NECTIN1: variants seen among roughly 807,000 people sequenced by gnomAD.
NECTIN1 encodes the protein nectin-1.
NECTIN1 carries 23 observed loss-of-function variants against 48.0 expected under a neutral mutation model. That is an observed-to-expected ratio of 0.48 (90% confidence interval 0.34 to 0.68). The LOEUF is 0.68. Ranked by LOEUF, NECTIN1 falls within the 30% of genes least tolerant of loss-of-function variation. The pLI is 0.01. For missense variants in NECTIN1, 591 were observed against 709.9 expected (o/e 0.83, Z 1.90); for synonymous variants, 270 against 288.9 (o/e 0.93, Z 0.66).
intron 1 of NECTIN1, among the ~76,000 whole-genome samples, chr11:119,714,556 G>A (rs1055389144): frequency 6.6e-6 from 1 of 152,146 alleles, no homozygotes; most frequent in African/African-American, 2.4e-5. Flanking sequence ...TGCAGGCAGA[G>A]GGGAATGCTC....
At chr11:119,689,946 C>T (rs941313104) in intron 1 of NECTIN1, among the ~76,000 whole-genome samples, 1 of 152,248 alleles carries the variant, frequency 6.6e-6, no homozygotes, top group African/African-American at 2.4e-5. Context: ...TATTTCATTT[C>T]TGGGCAGAAC....
intron 5 of NECTIN1, among the ~76,000 whole-genome samples, chr11:119,647,158 CGCATGTGTGTGTGT>C (rs1864405801): frequency 1.1e-5 from 1 of 91,694 alleles, no homozygotes; most frequent in African/African-American, 4.2e-5. Flanking sequence ...GAGCTTGCGG[CGCATGTGTGTGTGT>C]GTGTGTGTGT....
chr11:119,675,524 T>C, intron 4 of NECTIN1: 1 of 549,384 alleles, frequency 1.8e-6, no homozygotes, highest in Non-Finnish European at 3.2e-6. Flanking sequence ...TATGGGAATA[T>C]AGGCAGGCTA....
At chr11:119,660,257 C>T (rs1864638896), downstream of NECTIN1, among the ~76,000 whole-genome samples, 1 of 152,132 alleles carries the variant, frequency 6.6e-6, no homozygotes, top group African/African-American at 2.4e-5. Flanking sequence ...CTCTGAAGCC[C>T]CTGCCACTCC....
intron 1 of NECTIN1, among the ~76,000 whole-genome samples, chr11:119,697,544 A>G (rs1459431980): frequency 6.6e-6 from 1 of 152,128 alleles, no homozygotes; most frequent in Non-Finnish European, 1.5e-5. Context: ...TATTTCCACC[A>G]CTATTGGCTG....
chr11:119,704,245 C>T lies in NECTIN1; in HGVS notation c.79+24230G>A, dbSNP rs149613006. ...TTTCCTTTTTTTTTTGTATCTGAGA[C>T]GGAGTCTCACTCTGTCGCCCAGGCT... On this transcript the variant is annotated intron_variant, in intron 1 of 5. Coordinates refer to ENST00000264025, the MANE Select transcript of NECTIN1 (RefSeq NM_002855.5). Among the ~76,000 whole-genome samples, 67 of 151,898 alleles carry T rather than the reference C, an allele frequency of 4.4e-4. 1 individual carries two copies. In the East Asian group the frequency reaches 0.012, roughly 26 times the overall value.
intron 1 of NECTIN1, among the ~76,000 whole-genome samples, chr11:119,699,725 G>A (rs2135569646): frequency 6.6e-6 from 1 of 152,342 alleles, no homozygotes; most frequent in East Asian, 1.9e-4. Flanking sequence ...AGCCTTCCAA[G>A]GCAGGTGTTA....
At chr11:119,700,177 A>G (rs775659037) in intron 1 of NECTIN1, among the ~76,000 whole-genome samples, 1 of 152,060 alleles carries the variant, frequency 6.6e-6, no homozygotes, top group Non-Finnish European at 1.5e-5. Flanking sequence ...GTGGTCACTG[A>G]GGCAGGGAGG....
rs1864676603 is a variant in NECTIN1 at position 119,662,104 on chromosome 11, A to C, written c.*2643T>G. 2.0e-6 allele frequency: 2 copies of C among 985,388 alleles called. No individual in the cohort carries two copies. 61.0% of individuals were successfully genotyped at this position (985,388 alleles called of 1,614,324 possible). A position where few individuals can be genotyped will look rare whatever the true frequency, so the allele number is the denominator to read the frequency against. On this transcript the variant is annotated 3_prime_UTR_variant, in exon 6 of 6. Transcript: ENST00000264025. This position sits in a 1 kb window ranked among gnomAD's most constrained non-coding sequence, Gnocchi z 5.3. The stretch of plus-strand genomic sequence containing the variant: ...GGAGGGCAACAAGAGGCAGGATGAC[A>C]ACTGGGGAGGCCTTGGCACAATTCA...
At chr11:119,700,733 AGGCGT>A in intron 1 of NECTIN1, among the ~76,000 whole-genome samples, 1 of 152,224 alleles carries the variant, frequency 6.6e-6, no homozygotes, top group East Asian at 1.9e-4. Flanking sequence ...GTTGTATGCA[AGGCGT>A]GGCTCTGTCA....
chr11:119,699,774 G>A (rs1013545984), intron 1 of NECTIN1, among the ~76,000 whole-genome samples: 2 of 152,168 alleles, frequency 1.3e-5, no homozygotes, highest in African/African-American at 4.8e-5. Context: ...TGGCATTCGG[G>A]GTTGCCAAGG....
intron 1 of NECTIN1, among the ~76,000 whole-genome samples, chr11:119,723,246 A>T (rs1320633885): frequency 1.3e-5 from 2 of 150,938 alleles, no homozygotes; most frequent in Non-Finnish European, 2.9e-5. Context: ...AAAAAAGGGA[A>T]AACTGAGGCC....
intron 1 of NECTIN1, among the ~76,000 whole-genome samples, chr11:119,695,511 C>T (rs1419894729): frequency 6.6e-6 from 1 of 152,158 alleles, no homozygotes. Context: ...CAGCCTGACA[C>T]CCGGCACGCA....
chr11:119,692,411 A>ATGTGTGTGTGTGTGTGTG lies in NECTIN1; in HGVS notation c.80-13664_80-13647dup, dbSNP rs60998928. Among the ~76,000 whole-genome samples, 532 of 142,512 alleles carry ATGTGTGTGTGTGTGTGTG rather than the reference A, an allele frequency of 3.7e-3. 7 individuals are homozygous for ATGTGTGTGTGTGTGTGTG. The highest frequency in any genetic ancestry group is 0.012 in the African/African-American group (478 of 39,826). The allele number at this position is 142,512 out of a possible 152,430, so 93.5% of individuals were successfully genotyped here. A position where few individuals can be genotyped will look rare whatever the true frequency, so the allele number is the denominator to read the frequency against. On this transcript the variant is annotated intron_variant, in intron 1 of 5. Coordinates refer to ENST00000264025, the MANE Select transcript of NECTIN1 (RefSeq NM_002855.5). Reference sequence around the variant, plus strand: ...AGCCGAGAAGTGGCTTGTGGCAGTGATGTGTGTGTGTGTGTGTGTGGGTGG... The same window carrying ATGTGTGTGTGTGTGTGTG: ...AGCCGAGAAGTGGCTTGTGGCAGTGATGTGTGTGTGTGTGTGTGTGTGTGTGTGTGTGTGTGTGGGTGG...
At position 119,690,322 on chromosome 11, in the gene NECTIN1, A is replaced by C. The variant is rs139954878; in HGVS notation, c.80-11557T>G. Among the ~76,000 whole-genome samples, 604 of 152,270 alleles carry C rather than the reference A, an allele frequency of 4.0e-3. 3 individuals carry two copies. Among genetic ancestry groups the C allele is most frequent in the Middle Eastern group, 6.8e-3 (2 of 294 alleles). On this transcript the variant is annotated intron_variant, in intron 1 of 5. Transcript: ENST00000264025. ...GGCTGTCTCCATCCAACAACAACAA[A>C]AAAAATAAATAAATAAAAAATAAAG...
intron 1 of NECTIN1, among the ~76,000 whole-genome samples, chr11:119,722,263 T>C (rs1478727055): frequency 2.6e-5 from 4 of 152,242 alleles, no homozygotes; most frequent in African/African-American, 9.6e-5. Flanking sequence ...ACTGTGGCTA[T>C]AGAGTGCCAC....
chr11:119,677,043 A>C lies in NECTIN1; in HGVS notation c.851+59T>G. 6.9e-7 allele frequency: 1 copy of C among 1,453,288 alleles called. No homozygotes were observed. Among genetic ancestry groups the C allele is most frequent in the Non-Finnish European group, 9.7e-7 (1 of 1,033,788 alleles). The allele number at this position is 1,453,288 out of a possible 1,614,324, so 90.0% of individuals were successfully genotyped here. ...CCTGGAGGTAGGATGGTTGCCCCTC[A>C]TCACCCGTGGTCCAGTCAGCTGTCT... On this transcript the variant is annotated intron_variant, in intron 4 of 5. Transcript: ENST00000264025. The surrounding 1 kb of genome is among the most constrained non-coding windows in gnomAD (Gnocchi z 5.4).
At chr11:119,654,576 C>CTTTTTTTTTTTT (rs11351493) in intron 5 of NECTIN1, among the ~76,000 whole-genome samples, 1 of 146,100 alleles carries the variant, frequency 6.8e-6, no homozygotes, top group African/African-American at 2.5e-5. Flanking sequence ...TCAGGAACAC[C>CTTTTTTTTTTTT]TTTTTTTTTT....
At chr11:119,713,332 C>A (rs1160422882) in intron 1 of NECTIN1, among the ~76,000 whole-genome samples, 1 of 152,006 alleles carries the variant, frequency 6.6e-6, no homozygotes, top group African/African-American at 2.4e-5. Context: ...CTGGGCAGAG[C>A]CTAGAAGGAT....
Sources: allele counts gnomAD v4.1 joint callset (sites outside exome capture counted in the v4.1 genomes callset), GRCh38; gene constraint gnomAD v4.1.1; non-coding constraint Gnocchi (gnomAD v3.1); transcripts MANE v1.5; gene names NCBI Gene and HGNC (gene_info 2026-07-23, HGNC 2026-07-21).